THSD4: variants seen among roughly 807,000 people sequenced by gnomAD.
THSD4 encodes the protein thrombospondin type 1 domain containing 4.
Under a neutral mutation model 119.0 loss-of-function variants are expected in THSD4, and 69 were observed. The ratio of observed to expected loss-of-function variants is 0.58; its 90% CI spans 0.48 to 0.71. THSD4 has a LOEUF of 0.71. Ranked by LOEUF, THSD4 falls within the 30% of genes least tolerant of loss-of-function variation. The pLI, the probability that THSD4 is intolerant of heterozygous loss-of-function variation, is 0.00. For synonymous variants in THSD4, 524 were observed against 540.4 expected (o/e 0.97, Z 0.42); for missense variants, 1,393 against 1,391.1 (o/e 1.00, Z -0.02).
intron 5 of THSD4, among the ~76,000 whole-genome samples, chr15:71,253,874 A>G (rs1469808565): frequency 1.3e-5 from 2 of 152,150 alleles, no homozygotes; most frequent in African/African-American, 4.8e-5. Flanking sequence ...CCACACACAT[A>G]ATCTTTTTAA....
At position 71,332,891 on chromosome 15, in the gene THSD4, C is replaced by CTTTTTT. The variant is rs1184457820; in HGVS notation, c.1015+76176_1015+76177insTTTTTT. ...TTCTTAAAACATTGAGATTTTTTTACATTTTTTTTTTTTTTTTAGTTCATC... is the reference window on the plus strand; with the variant it reads ...TTCTTAAAACATTGAGATTTTTTTACTTTTTTATTTTTTTTTTTTTTTTAGTTCATC... On this transcript the variant is annotated intron_variant, in intron 6 of 17. Transcript: ENST00000261862. 5.5e-4 allele frequency among the ~76,000 whole-genome samples: 21 copies of CTTTTTT among 38,048 alleles called. 2 individuals are homozygous for CTTTTTT. The South Asian group carries it at 6.4e-3, about 12-fold the overall frequency. 25.0% of individuals were successfully genotyped at this position (38,048 alleles called of 152,430 possible).
chr15:71,432,940 T>A (rs1038130828), intron 7 of THSD4, among the ~76,000 whole-genome samples: 3 of 152,070 alleles, frequency 2.0e-5, no homozygotes, highest in South Asian at 2.1e-4. Flanking sequence ...ACGTGTTGTA[T>A]ACAGAATTAT....
At chr15:71,620,286 T>C (rs1486062382) in intron 7 of THSD4, among the ~76,000 whole-genome samples, 1 of 152,144 alleles carries the variant, frequency 6.6e-6, no homozygotes, top group African/African-American at 2.4e-5. Flanking sequence ...TAACATATTA[T>C]TGGTATTTAA....
intron 7 of THSD4, among the ~76,000 whole-genome samples, chr15:71,559,170 C>T (rs1341169659): frequency 6.6e-6 from 1 of 152,192 alleles, no homozygotes; most frequent in Non-Finnish European, 1.5e-5. Flanking sequence ...ATGTTGAAAC[C>T]TCCCTCCAGC....
In THSD4 at chr15:71,768,904, CTG is replaced by C. The variant is rs1225301682; in HGVS notation, c.2770-2158_2770-2157del. ...TCCTGATTTTTAAAGGAAAAAAAAT[CTG>C]TATTAAAAAATCTTGGCTGGCTGCC... On this transcript the variant is annotated intron_variant, in intron 16 of 17. Coordinates refer to ENST00000261862, the MANE Select transcript of THSD4 (RefSeq NM_024817.3). Among the ~76,000 whole-genome samples the C allele has an allele frequency of 2.5e-3, 353 of 142,446 alleles. 3 individuals carry two copies. The highest frequency in any genetic ancestry group is 8.6e-3 in the African/African-American group (330 of 38,502). 93.5% of individuals were successfully genotyped at this position (142,446 alleles called of 152,430 possible).
At chr15:71,204,312 C>T (rs141388476) in intron 3 of THSD4, among the ~76,000 whole-genome samples, 1 of 152,242 alleles carries the variant, frequency 6.6e-6, no homozygotes, top group East Asian at 1.9e-4. Context: ...CTCATTGCAT[C>T]GTAGTTTTGG....
intron 4 of THSD4, among the ~76,000 whole-genome samples, chr15:71,226,162 G>A (rs1222130547): frequency 6.6e-6 from 1 of 152,092 alleles, no homozygotes; most frequent in Non-Finnish European, 1.5e-5. Context: ...ATAATTATAT[G>A]TCCTCTGCCT....
chr15:71,383,324 T>C (rs2046250745), intron 6 of THSD4, among the ~76,000 whole-genome samples: 1 of 152,186 alleles, frequency 6.6e-6, no homozygotes, highest in Admixed American at 6.5e-5. Context: ...TTTCCTAAAT[T>C]TGCATTTCCA....
Position 71,520,944 on chromosome 15 carries a change from G to T in THSD4, c.1152+109121G>T, listed in dbSNP as rs539590173. ...AATCCCAAAAGAATGAGTGATTGTA[G>T]CAACACAAAGTTTGAAGGGAAACCT... On this transcript the variant is annotated intron_variant, in intron 7 of 17. Transcript: ENST00000261862. Among the ~76,000 whole-genome samples the T allele has an allele frequency of 2.6e-5, 4 of 152,332 alleles. No homozygotes were observed. The South Asian group carries it at 8.3e-4, about 32-fold the overall frequency.
chr15:71,532,283 A>AGAGAGAGAGAGAGAGTGAGTGTGT (rs1379506089), intron 7 of THSD4, among the ~76,000 whole-genome samples: 1 of 101,648 alleles, frequency 9.8e-6, no homozygotes, highest in African/African-American at 3.4e-5. Context: ...AGAGAGAGAG[A>AGAGAGAGAGAGAGAGTGAGTGTGT]GTGTGTGTGT....
At chr15:71,679,009 A>T (rs2051713292) in intron 8 of THSD4, among the ~76,000 whole-genome samples, 1 of 152,022 alleles carries the variant, frequency 6.6e-6, no homozygotes. Flanking sequence ...TCTTTCTTTG[A>T]TTAAAGAAAA....
chr15:71,581,840 A>G (rs1268349137), intron 7 of THSD4, among the ~76,000 whole-genome samples: 1 of 151,964 alleles, frequency 6.6e-6, no homozygotes, highest in African/African-American at 2.4e-5. Context: ...GTGTGGGTTT[A>G]TTTCTGGGCT....
At chr15:71,317,081 C>T (rs1447442489) in intron 6 of THSD4, among the ~76,000 whole-genome samples, 1 of 152,122 alleles carries the variant, frequency 6.6e-6, no homozygotes. Context: ...TCTGAATAAA[C>T]TGCTAAGGGA....
intron 7 of THSD4, among the ~76,000 whole-genome samples, chr15:71,651,851 C>T (rs1234475621): frequency 1.3e-5 from 2 of 152,166 alleles, no homozygotes; most frequent in Non-Finnish European, 2.9e-5. Context: ...TAGGTAAGTA[C>T]CCTCTTGCAA....
intron 7 of THSD4, among the ~76,000 whole-genome samples, chr15:71,623,717 G>A (rs763623254): frequency 2.0e-5 from 3 of 152,136 alleles, no homozygotes; most frequent in African/African-American, 4.8e-5. Flanking sequence ...GAGGTCAGGA[G>A]CTCAAAATCA....
intron 7 of THSD4, among the ~76,000 whole-genome samples, chr15:71,616,071 G>C (rs888271589): frequency 6.6e-6 from 1 of 152,090 alleles, no homozygotes; most frequent in South Asian, 2.1e-4. Context: ...TTGAAAAACT[G>C]TAAGACTAAA....
intron 7 of THSD4, among the ~76,000 whole-genome samples, chr15:71,641,678 G>C (rs1227977931): frequency 6.6e-6 from 1 of 152,044 alleles, no homozygotes; most frequent in Non-Finnish European, 1.5e-5. Flanking sequence ...TAACAGTTTA[G>C]AATCCCTTAT....
chr15:71,216,660 C>T (rs1596274096), intron 4 of THSD4, among the ~76,000 whole-genome samples: 2 of 152,266 alleles, frequency 1.3e-5, no homozygotes, highest in South Asian at 4.1e-4. Flanking sequence ...AGAGGCAGCC[C>T]CAAAGGAATG....
At chr15:71,368,266 T>A (rs2045993882) in intron 6 of THSD4, among the ~76,000 whole-genome samples, 2 of 152,262 alleles carry the variant, frequency 1.3e-5, no homozygotes, top group Non-Finnish European at 1.5e-5. Flanking sequence ...TTTCTTTTGC[T>A]GTGCAGAAGC....
Sources: allele counts gnomAD v4.1 joint callset (sites outside exome capture counted in the v4.1 genomes callset), GRCh38; gene constraint gnomAD v4.1.1; transcripts MANE v1.5; gene names NCBI Gene and HGNC (gene_info 2026-07-23, HGNC 2026-07-21).